Variants in NXN observed in about 807,000 individuals in gnomAD.
The protein encoded by NXN is nucleoredoxin, also known as nucleoredoxin 1.
A neutral mutation model predicts 48.6 loss-of-function variants in NXN; 16 were observed. The observed-to-expected ratio is 0.33, with a 90% confidence interval of 0.22 to 0.50. The LOEUF (loss-of-function observed/expected upper bound fraction) is 0.50, where lower values mean the gene tolerates loss of function less well. Ranked by LOEUF, NXN falls within the 20% of genes least tolerant of loss-of-function variation. The pLI is 0.98. For missense variants in NXN, 492 were observed against 605.5 expected (o/e 0.81, Z 1.97); for synonymous variants, 281 against 269.6 (o/e 1.04, Z -0.41).
intron 1 of NXN, among the ~76,000 whole-genome samples, chr17:895,803 T>TCAACAGAGCAAGACTCC (rs1567853155): frequency 3.4e-5 from 5 of 147,070 alleles, no homozygotes; most frequent in African/African-American, 5.1e-5. Flanking sequence ...GGGTTTTGTT[T>TCAACAGAGCAAGACTCC]GTCTCAAAAA....
At position 825,874 on chromosome 17, in the gene NXN, C is replaced by G; in HGVS notation, c.478+87G>C. The G allele has an allele frequency of 2.4e-6, 2 of 821,624 alleles. No individual in the cohort carries two copies. The highest frequency in any genetic ancestry group is 4.0e-6 in the Non-Finnish European group (2 of 496,640). The allele number at this position is 821,624 out of a possible 1,614,324, so 50.9% of individuals were successfully genotyped here. ...TGTATCTATTTCACCAGTACTCTCT[C>G]CACCGGTGGGACGGAGATTAGCCTA... On this transcript the variant is annotated intron_variant, in intron 2 of 7. Coordinates refer to ENST00000336868, the MANE Select transcript of NXN (RefSeq NM_022463.5). The surrounding 1 kb of genome is among the most constrained non-coding windows in gnomAD (Gnocchi z 4.1).
intron 1 of NXN, among the ~76,000 whole-genome samples, chr17:913,939 G>A (rs577211903): frequency 7.2e-5 from 11 of 151,888 alleles, no homozygotes; most frequent in South Asian, 4.2e-4. Context: ...TCGCCCTGTC[G>A]CCCAGACTGG....
At position 958,642 on chromosome 17, in the gene NXN, G is replaced by A. The variant is rs952769799; in HGVS notation, c.360+20677C>T. Among the ~76,000 whole-genome samples the A allele has an allele frequency of 3.3e-5, 5 of 152,146 alleles. No individual in the cohort carries two copies. Among genetic ancestry groups the A allele is most frequent in the South Asian group, 2.1e-4 (1 of 4,824 alleles). On this transcript the variant is annotated intron_variant, in intron 1 of 7. Coordinates refer to ENST00000336868, the MANE Select transcript of NXN (RefSeq NM_022463.5). This position sits in a 1 kb window ranked among gnomAD's most constrained non-coding sequence, Gnocchi z 6.9. ...AAAAATTAGCCAGGCGTGGTGGCGT[G>A]CGCCTGTAGTCCCAGCTACTCAGGA...
intron 1 of NXN, among the ~76,000 whole-genome samples, chr17:888,645 C>T (rs2068374483): frequency 6.6e-6 from 1 of 151,762 alleles, no homozygotes; most frequent in Admixed American, 6.6e-5. Context: ...ATTCTAGATG[C>T]ATCAGAACTT....
chr17:909,098 C>CAAAAAAAAAAAAAAAA (rs59822805), intron 1 of NXN, among the ~76,000 whole-genome samples: 1 of 117,390 alleles, frequency 8.5e-6, no homozygotes, highest in African/African-American at 3.4e-5. Context: ...GACTTCGTCT[C>CAAAAAAAAAAAAAAAA]AAAAAAAAAA....
chr17:833,395 A>AT (rs1913605697), intron 1 of NXN, among the ~76,000 whole-genome samples: 1 of 152,128 alleles, frequency 6.6e-6, no homozygotes, highest in African/African-American at 2.4e-5. Flanking sequence ...CAGAGAAGTC[A>AT]TCCAGGAGTG....
chr17:976,808 C>T (rs1363009673), intron 1 of NXN, among the ~76,000 whole-genome samples: 1 of 151,376 alleles, frequency 6.6e-6, no homozygotes, highest in African/African-American at 2.4e-5. Context: ...CTCTTGTTGC[C>T]CAGACTGGGG....
intron 1 of NXN, among the ~76,000 whole-genome samples, chr17:881,212 G>A (rs745306484): frequency 4.6e-5 from 7 of 152,214 alleles, no homozygotes; most frequent in African/African-American, 9.6e-5. Context: ...GAGCAAGTGC[G>A]AGTCTCACAC....
intron 1 of NXN, among the ~76,000 whole-genome samples, chr17:885,268 C>T (rs1002840094): frequency 3.9e-4 from 60 of 152,202 alleles, no homozygotes; most frequent in Admixed American, 6.5e-4. Flanking sequence ...TGAGACCAGC[C>T]TGGCCAAGAG....
At chr17:951,863 A>G (rs1490274002) in intron 1 of NXN, among the ~76,000 whole-genome samples, 2 of 152,120 alleles carry the variant, frequency 1.3e-5, no homozygotes, top group East Asian at 1.9e-4. Context: ...AGCTCGGCAC[A>G]CTCAGTAGAC....
intron 1 of NXN, among the ~76,000 whole-genome samples, chr17:909,114 A>C (rs1254046881): frequency 3.0e-5 from 1 of 33,650 alleles, no homozygotes; most frequent in Non-Finnish European, 7.3e-5. Flanking sequence ...AAAAAAAAAA[A>C]AAAAAAAAAA....
chr17:948,036 G>A (rs778031791), intron 1 of NXN, among the ~76,000 whole-genome samples: 57 of 151,994 alleles, frequency 3.8e-4, no homozygotes, highest in Admixed American at 7.2e-4. Flanking sequence ...GGGTGACAGA[G>A]ACTCTCTCTC....
intron 5 of NXN, among the ~76,000 whole-genome samples, chr17:808,273 C>T (rs1293625266): frequency 1.3e-5 from 2 of 152,012 alleles, no homozygotes; most frequent in African/African-American, 4.8e-5. Context: ...CCCTGTTCCC[C>T]CAGCCCTTGA....
At chr17:872,572 A>G (rs192952331) in intron 1 of NXN, among the ~76,000 whole-genome samples, 19 of 150,112 alleles carry the variant, frequency 1.3e-4, no homozygotes, top group Admixed American at 2.0e-4. Flanking sequence ...TTGATTAAAC[A>G]TGATCCTGAG....
chr17:896,473 C>T (rs1413527865), intron 1 of NXN, among the ~76,000 whole-genome samples: 1 of 152,058 alleles, frequency 6.6e-6, no homozygotes, highest in African/African-American at 2.4e-5. Flanking sequence ...TGCCACGGCA[C>T]TCCAGCCTGG....
intron 5 of NXN, among the ~76,000 whole-genome samples, chr17:815,579 C>T (rs111878118): frequency 6.9e-6 from 1 of 145,254 alleles, no homozygotes; most frequent in Non-Finnish European, 1.5e-5. Context: ...CAGCTGACTT[C>T]CATCCGTATG....
intron 1 of NXN, among the ~76,000 whole-genome samples, chr17:904,395 T>C (rs965596028): frequency 1.3e-5 from 2 of 151,892 alleles, no homozygotes; most frequent in African/African-American, 4.8e-5. Context: ...AAAAAGCTTA[T>C]AAAACAAGAG....
intron 1 of NXN, chr17:959,285 T>C (rs375029297): frequency 4.7e-6 from 2 of 426,516 alleles, no homozygotes; most frequent in Non-Finnish European, 4.0e-6. Flanking sequence ...ACTCCTGGAA[T>C]GCAGGTATCA....
chr17:838,356 T>C (rs1248883905), intron 1 of NXN, among the ~76,000 whole-genome samples: 1 of 152,048 alleles, frequency 6.6e-6, no homozygotes, highest in Non-Finnish European at 1.5e-5. Context: ...GGTCTCAAAC[T>C]CCTGACCTCA....
Sources: allele counts gnomAD v4.1 joint callset (sites outside exome capture counted in the v4.1 genomes callset), GRCh38; gene constraint gnomAD v4.1.1; non-coding constraint Gnocchi (gnomAD v3.1); transcripts MANE v1.5; gene names NCBI Gene and HGNC (gene_info 2026-07-23, HGNC 2026-07-21).